SLC22A17: variants seen among roughly 807,000 people sequenced by gnomAD.
SLC22A17 encodes solute carrier family 22 member 17.
A neutral mutation model predicts 53.6 loss-of-function variants in SLC22A17; 38 were observed. The observed-to-expected ratio is 0.71, with a 90% CI of 0.55 to 0.93. SLC22A17 has a LOEUF of 0.93. SLC22A17 is among the 40% of genes least tolerant of loss of function. The pLI, the probability that SLC22A17 is intolerant of heterozygous loss-of-function variation, is 0.00. For missense variants in SLC22A17, 704 were observed against 791.0 expected (o/e 0.89, Z 1.32); for synonymous variants, 379 against 353.0 (o/e 1.07, Z -0.82).
In SLC22A17 at chr14:23,352,618, C is replaced by G. The variant is rs970968157; in HGVS notation, c.96+28G>C. 2 of 410,242 alleles carry G rather than the reference C, an allele frequency of 4.9e-6. No homozygotes were observed. The highest frequency in any genetic ancestry group is 8.5e-6 in the Non-Finnish European group (2 of 234,414). The allele number at this position is 410,242 out of a possible 1,614,324, so 25.4% of individuals were successfully genotyped here. A position where few individuals can be genotyped will look rare whatever the true frequency, so the allele number is the denominator to read the frequency against. ...GGGCGGGGGTGCTGGGAGAGGATGG[C>G]GTCGCCACCTGGGGCTCGGGCACTT... On this transcript the variant is annotated intron_variant, in intron 1 of 9. Transcript: ENST00000397267. The surrounding 1 kb of genome is among the most constrained non-coding windows in gnomAD (Gnocchi z 7.2).
At position 23,352,819 on chromosome 14, in the gene SLC22A17, C is replaced by G. The variant is rs993086890; in HGVS notation, c.-78G>C. Reference sequence around the variant, plus strand: ...CTGGCTCAGTTGCGCGCCGGCTGCCCGGACACAGACAGCTCGAAGAGATCC... The same window carrying G: ...CTGGCTCAGTTGCGCGCCGGCTGCCGGGACACAGACAGCTCGAAGAGATCC... On this transcript the variant is annotated 5_prime_UTR_variant, in exon 1 of 10. Transcript: ENST00000397267. This position sits in a 1 kb window ranked among gnomAD's most constrained non-coding sequence, Gnocchi z 7.2. The G allele has an allele frequency of 1.3e-5, 5 of 398,228 alleles. No homozygotes were observed. The highest frequency in any genetic ancestry group is 1.3e-4 in the South Asian group (1 of 7,772). 24.7% of individuals were successfully genotyped at this position (398,228 alleles called of 1,614,324 possible).
chr14:23,351,865 T>C lies in SLC22A17; in HGVS notation c.601-10A>G. On this transcript the variant is annotated splice_polypyrimidine_tract_variant and intron_variant, in intron 2 of 9. Transcript: ENST00000397267. The stretch of plus-strand genomic sequence containing the variant: ...CACACACCAGATCCCACTGGGGATG[T>C]GAGAAGGGTGCAGCGGGCGTGAGGC... 7 of 1,612,802 alleles carry C rather than the reference T, an allele frequency of 4.3e-6. No individual in the cohort carries two copies. Among genetic ancestry groups the C allele is most frequent in the Non-Finnish European group, 5.9e-6 (7 of 1,179,300 alleles).
At position 23,347,723 on chromosome 14, in the gene SLC22A17, G is replaced by A. The variant is rs1459121907; in HGVS notation, c.1286C>T (p.Ala429Val). 2 of 1,613,544 alleles carry A rather than the reference G, an allele frequency of 1.2e-6. No homozygotes were observed. Among genetic ancestry groups the A allele is most frequent in the African/African-American group, 1.3e-5 (1 of 75,010 alleles). ...CTGGTAGCAGTGGCGAATGGCATGG[G>A]CAATGAAGCTGTGAGAAGGGGTGGG... The change falls in exon 8 of 10, where the codon GCC (alanine) becomes GTC (valine). Residue 429 changes from alanine (A) to valine (V), a missense_variant. Ala to Val is a moderately conservative substitution (Grantham distance 64, BLOSUM62 0). This residue lies in a region of SLC22A17 where 435 missense variants were observed against 529.0 expected (regional missense o/e 0.82). Transcript: ENST00000397267. This position sits in a 1 kb window ranked among gnomAD's most constrained non-coding sequence, Gnocchi z 5.1.
At chr14:23,351,809 A>T in exon 3 of SLC22A17, 1 of 1,613,796 alleles carries the variant, frequency 6.2e-7, no homozygotes, top group Non-Finnish European at 8.5e-7. Context: ...GATGAAGAGG[A>T]TCTGCTCCAG....
exon 10 of SLC22A17, chr14:23,346,524 G>T: frequency 1.6e-6 from 2 of 1,255,274 alleles, no homozygotes; most frequent in Non-Finnish European, 1.1e-6. Flanking sequence ...TGAGCTCTCC[G>T]CGATGGCTGG....
intron 3 of SLC22A17, 60 bp downstream of exon 3, chr14:23,351,692 G>C: frequency 6.8e-7 from 1 of 1,473,978 alleles, no homozygotes; most frequent in Non-Finnish European, 9.3e-7. Context: ...CCCGCTGCTT[G>C]GGTTAGCTTC....
In SLC22A17 at chr14:23,348,311, G is replaced by A. The variant is rs764139091; in HGVS notation, c.1026-5C>T. On this transcript the variant is annotated splice_polypyrimidine_tract_variant and splice_region_variant and intron_variant, in intron 5 of 9. Transcript: ENST00000397267. This position sits in a 1 kb window ranked among gnomAD's most constrained non-coding sequence, Gnocchi z 4.5. ...TCCAGGAACAAACCAGGCCAGCTGG[G>A]GGCAGGGGGGAAGGGGTATACTGTG... The A allele has an allele frequency of 3.7e-6, 6 of 1,613,946 alleles. No individual in the cohort carries two copies. Among genetic ancestry groups the A allele is most frequent in the Admixed American group, 1.7e-5 (1 of 60,006 alleles).
In SLC22A17 at chr14:23,352,807, G is replaced by A; in HGVS notation, c.-66C>T. 1 of 398,552 alleles carries A rather than the reference G, an allele frequency of 2.5e-6. No individual in the cohort carries two copies. Among genetic ancestry groups the A allele is most frequent in the Non-Finnish European group, 4.4e-6 (1 of 225,698 alleles). The allele number at this position is 398,552 out of a possible 1,614,324, so 24.7% of individuals were successfully genotyped here. On this transcript the variant is annotated 5_prime_UTR_variant, in exon 1 of 10. Transcript: ENST00000397267. The surrounding 1 kb of genome is among the most constrained non-coding windows in gnomAD (Gnocchi z 7.2). ...ATGCGCTGTCCTCTGGCTCAGTTGCGCGCCGGCTGCCCGGACACAGACAGC... is the reference window on the plus strand; with the variant it reads ...ATGCGCTGTCCTCTGGCTCAGTTGCACGCCGGCTGCCCGGACACAGACAGC...
intron 3 of SLC22A17, among the ~76,000 whole-genome samples, chr14:23,350,315 A>C (rs1408903852): frequency 6.6e-6 from 1 of 152,174 alleles, no homozygotes; most frequent in Non-Finnish European, 1.5e-5. Flanking sequence ...AAAAGAAAGA[A>C]AAAAGAAAAA....
rs1889267334 is a variant in SLC22A17, at chr14:23,347,169, G to A, written c.1593C>T (p.Leu531=). The change falls in exon 9 of 10, where the codon CTC becomes CTT. Residue 531 remains leucine, a synonymous_variant. Coordinates refer to ENST00000397267, the Ensembl canonical transcript of SLC22A17. This position sits in a 1 kb window ranked among gnomAD's most constrained non-coding sequence, Gnocchi z 5.1. ...GGATGGCGGCAGCTTGGGAGGAGAA[G>A]AGCCCAAGGACAGAGAAAGTGGTGA... 2 of 1,613,992 alleles carry A rather than the reference G, an allele frequency of 1.2e-6. No individual in the cohort carries two copies. Among genetic ancestry groups the A allele is most frequent in the African/African-American group, 1.3e-5 (1 of 75,060 alleles).
rs778033498 is a variant in SLC22A17, at chr14:23,346,754, A to G, written c.1844T>C (p.Val615Ala). The G allele has an allele frequency of 1.5e-5, 23 of 1,544,448 alleles. No homozygotes were observed. The African/African-American group carries it at 2.4e-4, about 16-fold the overall frequency. The change falls in exon 10 of 10, where the codon GTG (valine) becomes GCG (alanine). Residue 615 changes from valine to alanine, a missense_variant. Val to Ala is a moderately conservative substitution (Grantham distance 64). Transcript: ENST00000397267. ...GCGACACAGCTCCCCGTCCCGGAGC[A>G]CCTCGGGCAGGAGCTTGCGCTTGGT...
chr14:23,351,848 A>G, exon 3 of SLC22A17: 1 of 1,613,406 alleles, frequency 6.2e-7, no homozygotes, highest in East Asian at 2.2e-5. Flanking sequence ...GTCACACACC[A>G]GATCCCACTG....
chr14:23,349,067 G>T, intron 4 of SLC22A17: 1 of 675,432 alleles, frequency 1.5e-6, no homozygotes, highest in Non-Finnish European at 2.6e-6. Context: ...GTAAGTCCAG[G>T]ACAAAGACTT....
Position 23,352,505 on chromosome 14 carries a change from G to C in SLC22A17, c.97-54C>G, listed in dbSNP as rs778470735. On this transcript the variant is annotated intron_variant, in intron 1 of 9. Coordinates refer to ENST00000397267, the Ensembl canonical transcript of SLC22A17. The surrounding 1 kb of genome is among the most constrained non-coding windows in gnomAD (Gnocchi z 7.2). ...AGGGTGAAGCGGAGGAAACCGCAGA[G>C]CAAGGGCAGGGGGCAGGTGGGAGGG... 1.0e-3 allele frequency: 441 copies of C among 423,926 alleles called. 1 individual carries two copies. Among genetic ancestry groups the C allele is most frequent in the Non-Finnish European group, 1.5e-3 (372 of 242,780 alleles). The allele number at this position is 423,926 out of a possible 1,614,324, so 26.3% of individuals were successfully genotyped here. A position where few individuals can be genotyped will look rare whatever the true frequency, so the allele number is the denominator to read the frequency against.
chr14:23,346,514 T>C, exon 10 of SLC22A17: 1 of 1,183,350 alleles, frequency 8.5e-7, no homozygotes, highest in East Asian at 2.6e-5. Flanking sequence ...GACGGCCCTC[T>C]GAGCTCTCCG....
In SLC22A17 at chr14:23,352,139, C is replaced by G; in HGVS notation, c.409G>C (p.Gly137Arg). ...CTGGCATTGGGAGGCTGCTCCCAGC[C>G]AGAGGCATTAGGGGGGAAGGCCCCG... The change falls in exon 2 of 10, where the codon GGC becomes CGC. Residue 137 changes from glycine (G) to arginine (R), a missense_variant. This residue lies in a region of SLC22A17 where 435 missense variants were observed against 529.0 expected (regional missense o/e 0.82). Coordinates refer to ENST00000397267, the Ensembl canonical transcript of SLC22A17. This position sits in a 1 kb window ranked among gnomAD's most constrained non-coding sequence, Gnocchi z 7.2. 1 of 1,575,312 alleles carries G rather than the reference C, an allele frequency of 6.3e-7. No homozygotes were observed. Among genetic ancestry groups the G allele is most frequent in the Non-Finnish European group, 8.6e-7 (1 of 1,162,946 alleles).
At position 23,347,449 on chromosome 14, in the gene SLC22A17, G is replaced by C. The variant is rs989847913; in HGVS notation, c.1549+11C>G. 8 of 1,611,794 alleles carry C rather than the reference G, an allele frequency of 5.0e-6. No individual in the cohort carries two copies. The highest frequency in any genetic ancestry group is 6.8e-6 in the Non-Finnish European group (8 of 1,178,566). ...TGTGCCAGAAGAAATGGCTGTGCCT[G>C]TCTGAAGCACCTCTGTTGGGGTTCC... On this transcript the variant is annotated intron_variant, in intron 8 of 9. Transcript: ENST00000397267. This position sits in a 1 kb window ranked among gnomAD's most constrained non-coding sequence, Gnocchi z 5.1.
At position 23,352,781 on chromosome 14, in the gene SLC22A17, G is replaced by A. The variant is rs1323716329; in HGVS notation, c.-40C>T. 1 of 398,686 alleles carries A rather than the reference G, an allele frequency of 2.5e-6. No homozygotes were observed. Among genetic ancestry groups the A allele is most frequent in the Non-Finnish European group, 4.4e-6 (1 of 225,876 alleles). The allele number at this position is 398,686 out of a possible 1,614,324, so 24.7% of individuals were successfully genotyped here. On this transcript the variant is annotated 5_prime_UTR_variant, in exon 1 of 10. Transcript: ENST00000397267. This position sits in a 1 kb window ranked among gnomAD's most constrained non-coding sequence, Gnocchi z 7.2. ...GGGCCCTGCCGGCCCGCGCCGAAAG[G>A]ATGCGCTGTCCTCTGGCTCAGTTGC...
At chr14:23,349,574 G>A (rs1407110080) in intron 3 of SLC22A17, 148 bp from the exon 4 acceptor site, 1 of 947,300 alleles carries the variant, frequency 1.1e-6, no homozygotes, top group African/African-American at 1.7e-5. Flanking sequence ...AAGATGGGGA[G>A]GGATGGGGAC....
Sources: allele counts gnomAD v4.1 joint callset (sites outside exome capture counted in the v4.1 genomes callset), GRCh38; gene constraint gnomAD v4.1.1; regional missense constraint gnomAD v4.1.1; non-coding constraint Gnocchi (gnomAD v3.1); transcripts MANE v1.5; gene names NCBI Gene and HGNC (gene_info 2026-07-23, HGNC 2026-07-21).